Variants in RLF observed in about 807,000 individuals in gnomAD.
RLF encodes the protein zinc finger protein Rlf.
In RLF, 7 loss-of-function variants were observed where a neutral mutation model predicts 162.9. The ratio of observed to expected loss-of-function variants is 0.04; its 90% CI spans 0.02 to 0.08. The LOEUF is 0.08. Among genes scored for constraint, RLF ranks in the 10% least tolerant of loss-of-function variants. The pLI is 1.00. For synonymous variants in RLF, 782 were observed against 791.5 expected (o/e 0.99, Z 0.20); for missense variants, 1,664 against 2,244.7 (o/e 0.74, Z 5.23).
At chr1:40,229,687 T>G (rs1039778518) in intron 6 of RLF, among the ~76,000 whole-genome samples, 1 of 151,722 alleles carries the variant, frequency 6.6e-6, no homozygotes, top group African/African-American at 2.4e-5. Context: ...ACTCCTGACC[T>G]TGTGATCCAC....
intron 1 of RLF, among the ~76,000 whole-genome samples, chr1:40,181,461 C>A (rs577680418): frequency 6.0e-4 from 91 of 152,220 alleles, no homozygotes; most frequent in Non-Finnish European, 1.6e-4. Context: ...AAAATGCTGT[C>A]TTTTTCCCTT....
chr1:40,162,175 T>C (rs549210943), intron 1 of RLF, among the ~76,000 whole-genome samples: 2 of 151,650 alleles, frequency 1.3e-5, no homozygotes, highest in Non-Finnish European at 2.9e-5. Flanking sequence ...GTTGGTTGTT[T>C]GGTTTTTGCT....
At chr1:40,170,919 A>G (rs1642234980) in intron 1 of RLF, among the ~76,000 whole-genome samples, 1 of 152,158 alleles carries the variant, frequency 6.6e-6, no homozygotes, top group Non-Finnish European at 1.5e-5. Flanking sequence ...AAGTCTGATT[A>G]CTGTCTTTTT....
intron 5 of RLF, among the ~76,000 whole-genome samples, chr1:40,208,369 A>T (rs1430100087): frequency 1.3e-5 from 2 of 152,236 alleles, no homozygotes; most frequent in Non-Finnish European, 2.9e-5. Flanking sequence ...GTGATAAAGA[A>T]ATCAAAGGAT....
At chr1:40,208,509 T>A (rs1642825571) in intron 5 of RLF, among the ~76,000 whole-genome samples, 1 of 152,180 alleles carries the variant, frequency 6.6e-6, no homozygotes, top group African/African-American at 2.4e-5. Flanking sequence ...CGGTATCTAA[T>A]CCTTATAAAA....
intron 5 of RLF, among the ~76,000 whole-genome samples, chr1:40,221,972 A>G (rs1047166320): frequency 9.4e-5 from 14 of 149,688 alleles, no homozygotes; most frequent in Admixed American, 2.0e-4. Flanking sequence ...GAGGATTTTT[A>G]TTTGTTTTTT....
At position 40,238,041 on chromosome 1, in the gene RLF, C is replaced by T. The variant is rs900020297; in HGVS notation, c.3339C>T (p.Asn1113=). The change falls in exon 8 of 8, where the codon AAC becomes AAT. Residue 1113 remains asparagine, a synonymous_variant. Transcript: ENST00000372771. This position sits in a 1 kb window ranked among gnomAD's most constrained non-coding sequence, Gnocchi z 5.2. ...SDLNFQNQDE[N]MPSQYLAQLA... ...TTAATTTTCAGAATCAAGATGAAAA[C>T]ATGCCAAGTCAGTACCTTGCACAGT... 3 of 1,614,078 alleles carry T rather than the reference C, an allele frequency of 1.9e-6. No homozygotes were observed. The highest frequency in any genetic ancestry group is 2.5e-6 in the Non-Finnish European group (3 of 1,179,988).
intron 4 of RLF, among the ~76,000 whole-genome samples, chr1:40,201,356 T>C (rs1353435178): frequency 6.6e-6 from 1 of 151,716 alleles, no homozygotes; most frequent in East Asian, 1.9e-4. Flanking sequence ...CCGGGTGCGG[T>C]GGCTCATGCC....
chr1:40,169,350 C>T (rs1642208006), intron 1 of RLF, among the ~76,000 whole-genome samples: 1 of 152,052 alleles, frequency 6.6e-6, no homozygotes, highest in Admixed American at 6.6e-5. Flanking sequence ...GGCGCGGTGG[C>T]TCACGCCTGT....
Position 40,239,872 on chromosome 1 carries a change from A to G in RLF, c.5170A>G (p.Lys1724Glu). 1.2e-6 allele frequency: 2 copies of G among 1,613,930 alleles called. No individual in the cohort carries two copies. The highest frequency in any genetic ancestry group is 1.7e-5 in the Admixed American group (1 of 60,008). ...TTTCCAGCTGCCTTTACCAAGGATCAAAGAATCAGAAACTAGGCAGCATAG... is the reference window on the plus strand; with the variant it reads ...TTTCCAGCTGCCTTTACCAAGGATCGAAGAATCAGAAACTAGGCAGCATAG... Reference protein sequence around the residue: ...TSFQLPLPRIKESETRQHSSG... With the variant: ...TSFQLPLPRIEESETRQHSSG... The change falls in exon 8 of 8, where the codon AAA (lysine) becomes GAA (glutamate). Residue 1724 changes from lysine to glutamate, a missense_variant. Lys to Glu is a moderately conservative substitution (Grantham distance 56). This residue lies in a region of RLF where 327 missense variants were observed against 342.7 expected (regional missense o/e 0.95). Coordinates refer to ENST00000372771, the MANE Select transcript of RLF (RefSeq NM_012421.4).
At chr1:40,202,373 G>A (rs1290267870) in intron 4 of RLF, 39 bp from the exon 5 acceptor site, 2 of 1,282,974 alleles carry the variant, frequency 1.6e-6, no homozygotes, top group East Asian at 2.5e-5. Flanking sequence ...CATGTTATGT[G>A]GTATGTTGTC....
At chr1:40,213,933 G>GT (rs1642893156) in intron 5 of RLF, among the ~76,000 whole-genome samples, 2 of 152,280 alleles carry the variant, frequency 1.3e-5, no homozygotes, top group South Asian at 4.1e-4. Context: ...CCCACCTTCT[G>GT]TTATGCCAGT....
At chr1:40,221,917 A>AAAAAAAAAAAAAAAAAAAAAAAAAAGAG (rs1486982312) in intron 5 of RLF, among the ~76,000 whole-genome samples, 2 of 150,284 alleles carry the variant, frequency 1.3e-5, no homozygotes, top group African/African-American at 4.9e-5. Flanking sequence ...AAAAAAAAAA[A>AAAAAAAAAAAAAAAAAAAAAAAAAAGAG]AGAGAAAGGA....
chr1:40,187,108 T>G (rs1238661539), intron 1 of RLF, among the ~76,000 whole-genome samples: 12 of 152,030 alleles, frequency 7.9e-5, no homozygotes, highest in Non-Finnish European at 1.5e-5. Context: ...CTTGGCTCAC[T>G]GCAACCTCCG....
Position 40,236,667 on chromosome 1 carries a change from C to T in RLF, c.1965C>T (p.Val655=). ...CCAAAGGAGAGTCTCATGAATATGT[C>T]ACATTCAGCAAATTAGAAGATTGCC... ...DQAKGESHEY[V]TFSKLEDCHL... The change falls in exon 8 of 8, where the codon GTC becomes GTT. Residue 655 remains valine (V), a synonymous_variant. Transcript: ENST00000372771. The surrounding 1 kb of genome is among the most constrained non-coding windows in gnomAD (Gnocchi z 7.7). 2.5e-6 allele frequency: 4 copies of T among 1,614,094 alleles called. No individual in the cohort carries two copies. Among genetic ancestry groups the T allele is most frequent in the Non-Finnish European group, 3.4e-6 (4 of 1,180,022 alleles).
At chr1:40,196,305 A>G (rs892906491) in intron 4 of RLF, among the ~76,000 whole-genome samples, 2 of 151,992 alleles carry the variant, frequency 1.3e-5, no homozygotes, top group Admixed American at 6.6e-5. Flanking sequence ...GACTCCTGAC[A>G]TTGTGATCCA....
chr1:40,171,367 A>C (rs1357004345), intron 1 of RLF, among the ~76,000 whole-genome samples: 1 of 152,192 alleles, frequency 6.6e-6, no homozygotes, highest in Non-Finnish European at 1.5e-5. Context: ...AAATAACCTG[A>C]ATGTGTCACG....
chr1:40,172,967 C>T (rs1388634540), intron 1 of RLF, among the ~76,000 whole-genome samples: 1 of 151,936 alleles, frequency 6.6e-6, no homozygotes, highest in African/African-American at 2.4e-5. Context: ...CCCCGTTTTA[C>T]TAAATCCTTG....
In RLF at chr1:40,202,663, T is replaced by TTATA. The variant is rs113432466; in HGVS notation, c.810+57_810+60dup. 6 of 1,070,602 alleles carry TTATA rather than the reference T, an allele frequency of 5.6e-6. No homozygotes were observed. In the East Asian group the frequency reaches 1.8e-4, roughly 32 times the overall value. 66.3% of individuals were successfully genotyped at this position (1,070,602 alleles called of 1,614,324 possible). On this transcript the variant is annotated intron_variant, in intron 5 of 7. Coordinates refer to ENST00000372771, the MANE Select transcript of RLF (RefSeq NM_012421.4). ...CAAACTTGGTATTAATTTAATAGATTTATATATATATTGCATGGTTTATTT... is the reference window on the plus strand; with the variant it reads ...CAAACTTGGTATTAATTTAATAGATTTATATATATATATATTGCATGGTTTATTT...
Sources: allele counts gnomAD v4.1 joint callset (sites outside exome capture counted in the v4.1 genomes callset), GRCh38; gene constraint gnomAD v4.1.1; regional missense constraint gnomAD v4.1.1; non-coding constraint Gnocchi (gnomAD v3.1); transcripts MANE v1.5; gene names NCBI Gene and HGNC (gene_info 2026-07-23, HGNC 2026-07-21).